Variants in SPIRE1 observed in about 807,000 individuals in gnomAD.
SPIRE1 encodes the protein spire type actin nucleation factor 1.
A neutral mutation model predicts 94.1 loss-of-function variants in SPIRE1; 40 were observed. The ratio of observed to expected loss-of-function variants is 0.43; its 90% CI spans 0.33 to 0.55. The LOEUF (loss-of-function observed/expected upper bound fraction) is 0.55. Ranked by LOEUF, SPIRE1 falls within the 20% of genes least tolerant of loss-of-function variation. The pLI, the probability that SPIRE1 is intolerant of heterozygous loss-of-function variation, is 0.06. For synonymous variants in SPIRE1, 376 were observed against 371.7 expected (o/e 1.01, Z -0.13); for missense variants, 838 against 975.2 (o/e 0.86, Z 1.87).
intron 2 of SPIRE1, among the ~76,000 whole-genome samples, chr18:12,553,454 G>A (rs151234648): frequency 5.7e-4 from 87 of 152,246 alleles, no homozygotes; most frequent in African/African-American, 2.1e-3. Flanking sequence ...AATCCCCATG[G>A]GCCTGTGGTG....
chr18:12,533,993 T>C (rs2144190604), intron 4 of SPIRE1, among the ~76,000 whole-genome samples: 2 of 150,296 alleles, frequency 1.3e-5, no homozygotes, highest in Admixed American at 1.3e-4. Flanking sequence ...TCACAGAGGG[T>C]TCACCTTTTT....
chr18:12,453,175 C>T (rs764332574), intron 13 of SPIRE1, 37 bp from the exon 14 acceptor site: 2 of 1,452,798 alleles, frequency 1.4e-6, no homozygotes, highest in Non-Finnish European at 1.9e-6. Flanking sequence ...AAAAACATTG[C>T]CAACAGCAAA....
chr18:12,449,852 A>G lies in SPIRE1; in HGVS notation c.2057T>C (p.Leu686Pro). 1.2e-6 allele frequency: 2 copies of G among 1,614,154 alleles called. No individual in the cohort carries two copies. The highest frequency in any genetic ancestry group is 1.7e-6 in the Non-Finnish European group (2 of 1,180,028). The change falls in exon 17 of 17, where the codon CTC becomes CCC. Residue 686 changes from leucine (L) to proline (P), a missense_variant. Around this residue, in one of 2 missense-constraint regions of SPIRE1, gnomAD observed 645 missense variants for 804.7 expected, o/e 0.80. Coordinates refer to ENST00000409402, the MANE Select transcript of SPIRE1 (RefSeq NM_001128626.2). ...SKSMDKSDEE[L>P]QFPKELMEDW... ...CTCCATCAACTCTTTGGGAAACTGG[A>G]GTTCTTCATCTGATTTGTCCATAGA...
At chr18:12,459,920 C>G (rs1324364796) in intron 12 of SPIRE1, 2 of 985,626 alleles carry the variant, frequency 2.0e-6, no homozygotes, top group Non-Finnish European at 2.4e-6. Flanking sequence ...CACTGGTTAT[C>G]CTAGGAACCT....
Position 12,449,575 on chromosome 18 carries a change from G to T in SPIRE1, c.*63C>A. 1 of 1,532,812 alleles carries T rather than the reference G, an allele frequency of 6.5e-7. No individual in the cohort carries two copies. Among genetic ancestry groups the T allele is most frequent in the Non-Finnish European group, 8.8e-7 (1 of 1,133,740 alleles). 95.0% of individuals were successfully genotyped at this position (1,532,812 alleles called of 1,614,324 possible). A position where few individuals can be genotyped will look rare whatever the true frequency, so the allele number is the denominator to read the frequency against. On this transcript the variant is annotated 3_prime_UTR_variant, in exon 17 of 17. Coordinates refer to ENST00000409402, the MANE Select transcript of SPIRE1 (RefSeq NM_001128626.2). ...AAACCACAGAAAGGAGAGCCAGCCC[G>T]GCTCAGTGTCCTCGCGCACGGACGC...
intron 16 of SPIRE1, among the ~76,000 whole-genome samples, chr18:12,451,886 G>C (rs2031255650): frequency 6.6e-6 from 1 of 152,166 alleles, no homozygotes; most frequent in Non-Finnish European, 1.5e-5. Flanking sequence ...TTGTAAACAG[G>C]ATTAAACAGA....
chr18:12,534,872 A>G (rs1426654432), intron 4 of SPIRE1, among the ~76,000 whole-genome samples: 1 of 152,096 alleles, frequency 6.6e-6, no homozygotes, highest in Non-Finnish European at 1.5e-5. Flanking sequence ...TCATATACCT[A>G]TATGTCTATA....
chr18:12,646,477 T>A (rs1025983440), intron 1 of SPIRE1, among the ~76,000 whole-genome samples: 1 of 152,134 alleles, frequency 6.6e-6, no homozygotes, highest in Non-Finnish European at 1.5e-5. Flanking sequence ...ATTGGTGAAA[T>A]GAATACATGA....
intron 2 of SPIRE1, among the ~76,000 whole-genome samples, chr18:12,616,512 A>G (rs2037312375): frequency 6.6e-6 from 1 of 152,230 alleles, no homozygotes; most frequent in African/African-American, 2.4e-5. Flanking sequence ...AGCAGCCACA[A>G]GAGAAGAGAA....
upstream of SPIRE1, among the ~76,000 whole-genome samples, chr18:12,659,527 G>A (rs532381710): frequency 9.9e-5 from 15 of 152,144 alleles, no homozygotes; most frequent in South Asian, 1.0e-3. Context: ...AAAATTAGCC[G>A]AGTGTGGTGA....
At chr18:12,613,792 C>G (rs916041418) in intron 2 of SPIRE1, among the ~76,000 whole-genome samples, 2 of 152,054 alleles carry the variant, frequency 1.3e-5, no homozygotes, top group Non-Finnish European at 2.9e-5. Flanking sequence ...CTCAGCTACA[C>G]GAGCAAGAGA....
chr18:12,529,710 G>C (rs921953311), intron 4 of SPIRE1, among the ~76,000 whole-genome samples: 1 of 152,112 alleles, frequency 6.6e-6, no homozygotes, highest in African/African-American at 2.4e-5. Flanking sequence ...ACCTTAATTT[G>C]GGTGATGTTT....
intron 11 of SPIRE1, among the ~76,000 whole-genome samples, 178 bp downstream of exon 11, chr18:12,464,690 G>A (rs1049962505): frequency 2.0e-5 from 3 of 152,128 alleles, no homozygotes; most frequent in South Asian, 2.1e-4. Context: ...ATAAGACCCC[G>A]AGGCCTGGTA....
intron 6 of SPIRE1, among the ~76,000 whole-genome samples, chr18:12,505,097 T>C (rs1328679042): frequency 6.6e-6 from 1 of 152,076 alleles, no homozygotes; most frequent in Non-Finnish European, 1.5e-5. Context: ...CAGTGGAAGG[T>C]TCTGAGTAGA....
At chr18:12,479,640 A>C in intron 10 of SPIRE1, 59 bp downstream of exon 10, 1 of 1,463,096 alleles carries the variant, frequency 6.8e-7, no homozygotes, top group Non-Finnish European at 9.2e-7. Context: ...AGTAAACTGC[A>C]TCAGACAGCA....
At chr18:12,540,292 C>T (rs1472991679) in intron 3 of SPIRE1, among the ~76,000 whole-genome samples, 1 of 152,184 alleles carries the variant, frequency 6.6e-6, no homozygotes, top group East Asian at 1.9e-4. Flanking sequence ...ATTCCTCACT[C>T]CTCCAGGTGT....
At chr18:12,652,675 A>T (rs1265228359) in intron 1 of SPIRE1, among the ~76,000 whole-genome samples, 1 of 151,994 alleles carries the variant, frequency 6.6e-6, no homozygotes, top group African/African-American at 2.4e-5. Flanking sequence ...TGCTAAATAA[A>T]CTCACTAATT....
rs1269833293 is a variant in SPIRE1, at chr18:12,496,132, T to G, written c.973-30A>C. ...AAGGAGACAAAAAGCAGAAGATTCA[T>G]GTGACTATATAAGACTATCATGAAT... On this transcript the variant is annotated intron_variant, in intron 6 of 16. Coordinates refer to ENST00000409402, the MANE Select transcript of SPIRE1 (RefSeq NM_001128626.2). The G allele has an allele frequency of 3.4e-6, 5 of 1,464,598 alleles. No homozygotes were observed. In the African/African-American group the frequency reaches 7.0e-5, roughly 20 times the overall value. The allele number at this position is 1,464,598 out of a possible 1,614,324, so 90.7% of individuals were successfully genotyped here.
chr18:12,508,777 T>C (rs1457485560), intron 5 of SPIRE1, among the ~76,000 whole-genome samples: 1 of 151,564 alleles, frequency 6.6e-6, no homozygotes, highest in African/African-American at 2.4e-5. Context: ...CGGGTTCAAG[T>C]GATTCTCCTG....
Sources: gnomAD v4.1 joint callset for allele counts (sites outside exome capture counted in the v4.1 genomes callset) on GRCh38, gnomAD v4.1.1 for gene constraint, gnomAD v4.1.1 regional missense constraint, MANE v1.5 for transcripts, NCBI Gene and HGNC (gene_info 2026-07-23, HGNC 2026-07-21) for gene names.